Variants in DOCK2 observed in about 807,000 individuals in gnomAD.
DOCK2 encodes dedicator of cytokinesis 2.
In DOCK2, 87 loss-of-function variants were observed where a neutral mutation model predicts 248.9. That is an observed-to-expected ratio of 0.35 (90% CI 0.29 to 0.42). DOCK2 has a LOEUF of 0.42. Among genes scored for constraint, DOCK2 ranks in the 10% least tolerant of loss-of-function variants. DOCK2 has a pLI of 1.00. For synonymous variants in DOCK2, 805 were observed against 821.6 expected, an observed-to-expected ratio of 0.98 and a Z score of 0.35; for missense variants, 1,747 against 2,300.2, an observed-to-expected ratio of 0.76 and a Z score of 4.92.
At chr5:169,883,855 C>G (rs774178103) in intron 27 of DOCK2, 1 of 1,533,496 alleles carries the variant, frequency 6.5e-7, no homozygotes, top group Admixed American at 2.0e-5. Flanking sequence ...TAGACTGTTA[C>G]GCTTTAGAAG....
intron 34 of DOCK2, among the ~76,000 whole-genome samples, chr5:170,032,141 C>G (rs1348831198): frequency 6.6e-6 from 1 of 152,050 alleles, no homozygotes; most frequent in Non-Finnish European, 1.5e-5. Context: ...ATTCTCCTGC[C>G]TCAGCCTCCC....
At chr5:169,746,814 T>G (rs1217705482) in intron 22 of DOCK2, among the ~76,000 whole-genome samples, 1 of 152,226 alleles carries the variant, frequency 6.6e-6, no homozygotes, top group Non-Finnish European at 1.5e-5. Flanking sequence ...ATGAGGAGTC[T>G]CACCTTCTAA....
At chr5:169,895,007 T>G (rs1053836534) in intron 27 of DOCK2, among the ~76,000 whole-genome samples, 3 of 152,166 alleles carry the variant, frequency 2.0e-5, no homozygotes, top group Non-Finnish European at 4.4e-5. Context: ...TTGTCATTCA[T>G]TTCCTCCTCT....
At chr5:170,047,749 A>T in intron 40 of DOCK2, 135 bp downstream of exon 40, 2 of 689,554 alleles carry the variant, frequency 2.9e-6, no homozygotes, top group Non-Finnish European at 4.8e-6. Flanking sequence ...CCCCATCCCC[A>T]GGAGACTCCC....
intron 2 of DOCK2, among the ~76,000 whole-genome samples, chr5:169,659,844 G>A (rs1384162838): frequency 1.3e-5 from 2 of 152,154 alleles, no homozygotes; most frequent in African/African-American, 4.8e-5. Context: ...ACAAAAAAAA[G>A]CAGTGTTATT....
chr5:169,707,100 G>C (rs575396823), intron 14 of DOCK2, among the ~76,000 whole-genome samples: 2 of 152,314 alleles, frequency 1.3e-5, no homozygotes, highest in East Asian at 3.9e-4. Flanking sequence ...ATTGAAAATT[G>C]TTTGGCCTAA....
intron 15 of DOCK2, 105 bp from the exon 16 acceptor site, chr5:169,711,830 G>A: frequency 2.5e-6 from 3 of 1,188,138 alleles, no homozygotes; most frequent in Non-Finnish European, 3.7e-6. Context: ...TCAGCAGGCA[G>A]CTCTCTCAGT....
chr5:169,988,763 C>T (rs954816764), intron 29 of DOCK2, among the ~76,000 whole-genome samples: 5 of 152,148 alleles, frequency 3.3e-5, no homozygotes, highest in Admixed American at 6.5e-5. Context: ...CTGCCTGCCT[C>T]GGCCTCCCAA....
chr5:169,942,932 A>T (rs531543289), intron 27 of DOCK2, among the ~76,000 whole-genome samples: 1 of 152,330 alleles, frequency 6.6e-6, no homozygotes, highest in African/African-American at 2.4e-5. Flanking sequence ...TCACAATGTC[A>T]TTAGGATTAA....
chr5:170,027,629 G>A lies in DOCK2; in HGVS notation c.3382-234G>A, dbSNP rs375661052. Among the ~76,000 whole-genome samples the A allele has an allele frequency of 4.1e-4, 62 of 152,042 alleles. No individual in the cohort carries two copies. The South Asian group carries it at 8.7e-3, about 21-fold the overall frequency. ...CCCTCTCCTGCACTCGCGCTCTCTCGCACGTGCTCTCTCTCTCTCTCTCTA... is the reference window on the plus strand; with the variant it reads ...CCCTCTCCTGCACTCGCGCTCTCTCACACGTGCTCTCTCTCTCTCTCTCTA... On this transcript the variant is annotated intron_variant, in intron 33 of 51. Transcript: ENST00000520908.
chr5:170,081,756 C>T, intron 50 of DOCK2, 86 bp from the exon 51 acceptor site: 5 of 1,282,460 alleles, frequency 3.9e-6, no homozygotes, highest in Admixed American at 5.0e-5. Context: ...TGGCTCTGTC[C>T]CCCAGCCCTC....
At chr5:169,819,740 G>A (rs1353530674) in intron 26 of DOCK2, among the ~76,000 whole-genome samples, 2 of 152,226 alleles carry the variant, frequency 1.3e-5, no homozygotes, top group Non-Finnish European at 2.9e-5. Flanking sequence ...GAGGTACCGG[G>A]TTCATCTCAC....
intron 34 of DOCK2, among the ~76,000 whole-genome samples, chr5:170,034,166 C>T (rs956146427): frequency 1.3e-5 from 2 of 152,188 alleles, no homozygotes; most frequent in Non-Finnish European, 2.9e-5. Flanking sequence ...CCATCTCCCC[C>T]ACCATCATTA....
intron 25 of DOCK2, among the ~76,000 whole-genome samples, chr5:169,781,591 A>C (rs1765717405): frequency 6.6e-6 from 1 of 152,232 alleles, no homozygotes; most frequent in Admixed American, 6.5e-5. Flanking sequence ...TTTTGTGGGC[A>C]CTAGTGTCAG....
At chr5:169,708,078 AGGCTGGTCGT>A in intron 14 of DOCK2, 81 bp from the exon 15 acceptor site, 1 of 1,367,924 alleles carries the variant, frequency 7.3e-7, no homozygotes, top group Non-Finnish European at 1.0e-6. Flanking sequence ...CCAGGCCCTA[AGGCTGGTCGT>A]GGCCTAGGGA....
At chr5:169,938,010 A>G (rs1776070307) in intron 27 of DOCK2, among the ~76,000 whole-genome samples, 1 of 152,202 alleles carries the variant, frequency 6.6e-6, no homozygotes, top group Non-Finnish European at 1.5e-5. Flanking sequence ...CAGGCCAGTA[A>G]AAACTCAGAA....
chr5:169,991,361 C>G (rs1337550997), intron 29 of DOCK2, among the ~76,000 whole-genome samples: 1 of 152,232 alleles, frequency 6.6e-6, no homozygotes, highest in African/African-American at 2.4e-5. Flanking sequence ...GGTTTGGCTC[C>G]TCTTTCTGCC....
intron 41 of DOCK2, 66 bp downstream of exon 41, chr5:170,050,463 C>G: frequency 6.5e-7 from 1 of 1,542,042 alleles, no homozygotes; most frequent in Non-Finnish European, 8.7e-7. Flanking sequence ...CTGCAGCCCA[C>G]AAAGACCCAC....
At chr5:169,952,945 T>C (rs1159037673) in intron 27 of DOCK2, among the ~76,000 whole-genome samples, 1 of 152,162 alleles carries the variant, frequency 6.6e-6, no homozygotes, top group Non-Finnish European at 1.5e-5. Context: ...AGTAGGTTGA[T>C]TGTGGTAAAG....
Sources: gnomAD v4.1 joint callset for allele counts (sites outside exome capture counted in the v4.1 genomes callset) on GRCh38, gnomAD v4.1.1 for gene constraint, MANE v1.5 for transcripts, NCBI Gene and HGNC (gene_info 2026-07-23, HGNC 2026-07-21) for gene names.